KIF13B: variants seen among roughly 807,000 people sequenced by gnomAD.
KIF13B encodes the protein kinesin family member 13B.
In KIF13B, 127 loss-of-function variants were observed where a neutral mutation model predicts 222.0. The ratio of observed to expected loss-of-function variants is 0.57; its 90% confidence interval spans 0.50 to 0.66. The LOEUF (loss-of-function observed/expected upper bound fraction) is 0.66. KIF13B is among the 30% of genes least tolerant of loss of function. The pLI, the probability that KIF13B is intolerant of heterozygous loss-of-function variation, is 0.00. For synonymous variants in KIF13B, 976 were observed against 919.0 expected (o/e 1.06, Z -1.12); for missense variants, 2,173 against 2,379.0 (o/e 0.91, Z 1.80).
At chr8:29,202,444 A>G (rs1813737447) in intron 2 of KIF13B, among the ~76,000 whole-genome samples, 1 of 152,076 alleles carries the variant, frequency 6.6e-6, no homozygotes, top group Non-Finnish European at 1.5e-5. Flanking sequence ...CAGCCTCCCA[A>G]GTAGCTGGGA....
intron 23 of KIF13B, among the ~76,000 whole-genome samples, chr8:29,131,362 C>G (rs540597664): frequency 6.7e-6 from 1 of 149,650 alleles, no homozygotes; most frequent in East Asian, 2.0e-4. Context: ...AAAAAAAAAG[C>G]AAATACAGGG....
At chr8:29,173,601 AAC>A (rs1305743224) in intron 10 of KIF13B, among the ~76,000 whole-genome samples, 1 of 152,000 alleles carries the variant, frequency 6.6e-6, no homozygotes, top group African/African-American at 2.4e-5. Context: ...TAGCCTGGAC[AAC>A]AGAGAGACCC....
intron 13 of KIF13B, among the ~76,000 whole-genome samples, chr8:29,160,077 G>A (rs984029412): frequency 1.3e-5 from 2 of 152,116 alleles, no homozygotes; most frequent in Admixed American, 1.3e-4. Context: ...GCCCATTCTG[G>A]GCACTCCTCG....
chr8:29,245,072 CT>C (rs1815961298), intron 2 of KIF13B, among the ~76,000 whole-genome samples: 1 of 152,242 alleles, frequency 6.6e-6, no homozygotes. Context: ...GCTGCACCTC[CT>C]TCAAGAAGCC....
At chr8:29,186,100 A>G (rs1812913430) in intron 6 of KIF13B, among the ~76,000 whole-genome samples, 192 bp downstream of exon 6, 1 of 152,066 alleles carries the variant, frequency 6.6e-6, no homozygotes, top group South Asian at 2.1e-4. Flanking sequence ...TGGGTTTAAA[A>G]ACAAACAAAC....
chr8:29,141,813 A>G (rs945439481), intron 19 of KIF13B, among the ~76,000 whole-genome samples: 1 of 152,214 alleles, frequency 6.6e-6, no homozygotes, highest in Admixed American at 6.5e-5. Flanking sequence ...CGGGTTGAGC[A>G]ATGGGAGGAG....
chr8:29,142,010 C>A (rs111481041), intron 19 of KIF13B, 147 bp downstream of exon 19: 1 of 538,820 alleles, frequency 1.9e-6, no homozygotes, highest in Non-Finnish European at 3.2e-6. Context: ...ATTTGCTAAA[C>A]AATTTAGGGG....
At chr8:29,120,268 C>T (rs113840989) in intron 29 of KIF13B, among the ~76,000 whole-genome samples, 12,296 of 113,024 alleles carry the variant, frequency 0.11, 828 homozygotes, top group Non-Finnish European at 0.14. Context: ...CATGCTGGTG[C>T]GCTGCACCCA....
intron 5 of KIF13B, among the ~76,000 whole-genome samples, chr8:29,188,016 ATCCAACACAT>A (rs1349656485): frequency 2.0e-5 from 3 of 152,316 alleles, no homozygotes; most frequent in African/African-American, 7.2e-5. Context: ...TCTTGAAAAT[ATCCAACACAT>A]TCTTCTGTGA....
Position 29,142,258 on chromosome 8 carries a change from C to T in KIF13B, c.2233G>A (p.Gly745Arg), listed in dbSNP as rs1183560285. The T allele has an allele frequency of 2.4e-5, 39 of 1,613,754 alleles. No individual in the cohort carries two copies. The highest frequency in any genetic ancestry group is 3.0e-5 in the Non-Finnish European group (35 of 1,179,816). Residue 745 changes from glycine (G) to arginine (R), a missense_variant, in exon 19 of 40, where the codon GGA becomes AGA. By Grantham distance (125) the Gly-to-Arg change is moderately radical. Coordinates refer to ENST00000524189, the MANE Select transcript of KIF13B (RefSeq NM_015254.4). Reference protein sequence around the residue: ...SEPAIQVRRKGKGKQIWSLEK... With the variant: ...SEPAIQVRRKRKGKQIWSLEK... ...AAAGACCAAATCTGCTTTCCTTTTCCTTTTCTTCTCACCTGGATTGCAGGC... is the reference window on the plus strand; with the variant it reads ...AAAGACCAAATCTGCTTTCCTTTTCTTTTTCTTCTCACCTGGATTGCAGGC...
intron 2 of KIF13B, among the ~76,000 whole-genome samples, chr8:29,232,326 C>T (rs944910658): frequency 6.7e-6 from 1 of 149,708 alleles, no homozygotes; most frequent in Non-Finnish European, 1.5e-5. Context: ...AGGCTTGGCA[C>T]TTTGGGAAAC....
At chr8:29,127,005 TAAAC>T in intron 25 of KIF13B, 113 bp downstream of exon 25, 1 of 920,942 alleles carries the variant, frequency 1.1e-6, no homozygotes, top group South Asian at 1.8e-5. Context: ...ACAGCAAAGG[TAAAC>T]AAAGAGATTC....
Position 29,106,977 on chromosome 8 carries a change from GACAGGCACAAA to G in KIF13B, c.4215+1151_4215+1161del, listed in dbSNP as rs886687551. On this transcript the variant is annotated intron_variant, in intron 35 of 39. Transcript: ENST00000524189. ...ACATCTAACCAGACCCCTCAAAAGT[GACAGGCACAAA>G]CTACGATGTGTGGTGCCCAAGTAAG... Among the ~76,000 whole-genome samples the G allele has an allele frequency of 3.9e-5, 6 of 152,174 alleles. No individual in the cohort carries two copies. The East Asian group carries it at 7.7e-4, about 20-fold the overall frequency.
rs539120511 is a variant in KIF13B, at chr8:29,071,747, G to C, written c.5091C>G (p.Val1697=). The C allele has an allele frequency of 6.5e-7, 1 of 1,549,804 alleles. No homozygotes were observed. Among genetic ancestry groups the C allele is most frequent in the African/African-American group, 1.4e-5 (1 of 73,152 alleles). Residue 1697 remains valine (V), a synonymous_variant, in exon 39 of 40, where the codon GTC becomes GTG. Coordinates refer to ENST00000524189, the MANE Select transcript of KIF13B (RefSeq NM_015254.4). The surrounding 1 kb of genome is among the most constrained non-coding windows in gnomAD (Gnocchi z 4.9). ...ACTCGCCCTCTCGGAGCCACTCCGG[G>C]ACCTCGTCAGCTTCCTCGGAATCAG... ...LASDSEEADE[V]PEWLREGEFV...
chr8:29,232,647 T>C lies in KIF13B; in HGVS notation c.149+12699A>G, dbSNP rs544715765. Among the ~76,000 whole-genome samples, 11 of 152,318 alleles carry C rather than the reference T, an allele frequency of 7.2e-5. No homozygotes were observed. In the East Asian group the frequency reaches 2.1e-3, roughly 29 times the overall value. ...AGGAATATTTTTAAATTTATTACAT[T>C]ACTGTAAACTTTCTGACAAATTCAA... On this transcript the variant is annotated intron_variant, in intron 2 of 39. Transcript: ENST00000524189.
At chr8:29,236,736 G>C (rs1274566146) in intron 2 of KIF13B, among the ~76,000 whole-genome samples, 1 of 152,050 alleles carries the variant, frequency 6.6e-6, no homozygotes, top group Non-Finnish European at 1.5e-5. Context: ...CTTTTTAAAA[G>C]AACTCTGTGG....
chr8:29,130,653 C>A lies in KIF13B; in HGVS notation c.2955G>T (p.Val985=). The A allele has an allele frequency of 6.2e-7, 1 of 1,613,776 alleles. No homozygotes were observed. Among genetic ancestry groups the A allele is most frequent in the South Asian group, 1.1e-5 (1 of 91,072 alleles). Residue 985 remains valine, a synonymous_variant, in exon 24 of 40, where the codon GTG becomes GTT. Coordinates refer to ENST00000524189, the MANE Select transcript of KIF13B (RefSeq NM_015254.4). ...GAACCCAGAATTCCAATTTCCTGGTCACTTCACTCCATCTAGGAAATAAGC... is the reference window on the plus strand; with the variant it reads ...GAACCCAGAATTCCAATTTCCTGGTAACTTCACTCCATCTAGGAAATAAGC... ...TRSLRDRWSE[V]TRKLEFWVQI...
At chr8:29,133,426 TA>T (rs1198085166) in intron 22 of KIF13B, among the ~76,000 whole-genome samples, 3 of 152,058 alleles carry the variant, frequency 2.0e-5, no homozygotes, top group African/African-American at 7.2e-5. Context: ...TTGTCTCTAC[TA>T]AAAATACAAA....
At chr8:29,088,610 G>A (rs187533006) in intron 37 of KIF13B, among the ~76,000 whole-genome samples, 112 of 152,184 alleles carry the variant, frequency 7.4e-4, no homozygotes, top group African/African-American at 2.6e-3. Context: ...TGATTTTCAA[G>A]TGCATGGAAC....
Sources: allele counts gnomAD v4.1 joint callset (sites outside exome capture counted in the v4.1 genomes callset), GRCh38; gene constraint gnomAD v4.1.1; non-coding constraint Gnocchi (gnomAD v3.1); transcripts MANE v1.5; gene names NCBI Gene and HGNC (gene_info 2026-07-23, HGNC 2026-07-21).